Variants in ITK observed in about 807,000 individuals in gnomAD.
ITK encodes the protein tyrosine-protein kinase ITK/TSK.
Under a neutral mutation model 87.6 loss-of-function variants are expected in ITK, and 45 were observed. That is an observed-to-expected ratio of 0.51 (90% CI 0.40 to 0.66). The LOEUF (loss-of-function observed/expected upper bound fraction) is 0.66, where lower values mean the gene tolerates loss of function less well. Among genes scored for constraint, ITK ranks in the 30% least tolerant of loss-of-function variants. The pLI, the probability that ITK is intolerant of heterozygous loss-of-function variation, is 0.00. For synonymous variants in ITK, 303 were observed against 273.6 expected, an observed-to-expected ratio of 1.11 and a Z score of -1.06; for missense variants, 605 against 766.3, an observed-to-expected ratio of 0.79 and a Z score of 2.48.
chr5:157,188,587 G>C (rs1393903403), intron 1 of ITK, among the ~76,000 whole-genome samples: 2 of 152,014 alleles, frequency 1.3e-5, no homozygotes, highest in African/African-American at 4.8e-5. Context: ...TGTTTCCACT[G>C]TCTCAAACAC....
At chr5:157,229,995 A>G (rs1054805081) in intron 7 of ITK, among the ~76,000 whole-genome samples, 5 of 152,200 alleles carry the variant, frequency 3.3e-5, no homozygotes, top group African/African-American at 1.2e-4. Context: ...GACCCATACA[A>G]AAAAATATTT....
At chr5:157,213,813 T>G (rs1580888591) in intron 3 of ITK, 1 of 354,148 alleles carries the variant, frequency 2.8e-6, no homozygotes, top group Non-Finnish European at 5.5e-6. Flanking sequence ...GTAGGAGAGG[T>G]GGGGGGTGGT....
chr5:157,204,299 GC>G (rs1754035711), intron 1 of ITK, among the ~76,000 whole-genome samples: 1 of 152,202 alleles, frequency 6.6e-6, no homozygotes, highest in Non-Finnish European at 1.5e-5. Flanking sequence ...GTTGGCTCAT[GC>G]CTGTAATCCC....
chr5:157,191,961 T>G (rs1458319285), intron 1 of ITK, among the ~76,000 whole-genome samples: 1 of 152,212 alleles, frequency 6.6e-6, no homozygotes, highest in Non-Finnish European at 1.5e-5. Context: ...CTACATCATC[T>G]TCCAAAGAGA....
chr5:157,194,297 T>C (rs1472782280), intron 1 of ITK, among the ~76,000 whole-genome samples: 3 of 152,198 alleles, frequency 2.0e-5, no homozygotes, highest in Non-Finnish European at 4.4e-5. Flanking sequence ...CTGAACTCTA[T>C]GGGCTGACAA....
chr5:157,204,820 G>T (rs568838709), intron 1 of ITK, among the ~76,000 whole-genome samples: 1 of 152,286 alleles, frequency 6.6e-6, no homozygotes, highest in East Asian at 1.9e-4. Flanking sequence ...TTTCAATAAT[G>T]GATAAAGTTG....
intron 2 of ITK, among the ~76,000 whole-genome samples, chr5:157,210,534 T>TTTG (rs1554101032): frequency 6.2e-5 from 4 of 64,104 alleles, no homozygotes; most frequent in African/African-American, 1.7e-4. Context: ...TCTCTTGGTT[T>TTTG]TTTTTTTTTT....
At chr5:157,247,612 A>G (rs995997422) in intron 15 of ITK, among the ~76,000 whole-genome samples, 2 of 152,162 alleles carry the variant, frequency 1.3e-5, no homozygotes, top group African/African-American at 4.8e-5. Flanking sequence ...GTCCCTGTCT[A>G]GGATATATTA....
intron 16 of ITK, among the ~76,000 whole-genome samples, chr5:157,251,481 GAGA>G (rs2113779050): frequency 6.6e-6 from 1 of 152,296 alleles, no homozygotes; most frequent in South Asian, 2.1e-4. Context: ...GTCTTTCACA[GAGA>G]AGACTTTTCA....
At chr5:157,206,233 G>A (rs1185972204) in intron 1 of ITK, among the ~76,000 whole-genome samples, 1 of 152,082 alleles carries the variant, frequency 6.6e-6, no homozygotes, top group African/African-American at 2.4e-5. Flanking sequence ...AGGATTACAG[G>A]CATGAGCCAC....
chr5:157,224,154 C>T (rs1357414522), intron 6 of ITK, among the ~76,000 whole-genome samples: 7 of 151,748 alleles, frequency 4.6e-5, no homozygotes, highest in African/African-American at 1.7e-4. Context: ...TGTGGTGGCT[C>T]AAGCCTGTAA....
chr5:157,218,746 T>C lies in ITK; in HGVS notation c.495+839T>C, dbSNP rs539158612. 5.9e-5 allele frequency among the ~76,000 whole-genome samples: 9 copies of C among 152,250 alleles called. No homozygotes were observed. In the South Asian group the frequency reaches 1.4e-3, roughly 25 times the overall value. ...TTTCCAAGGCCATTCAGCAACTTAG[T>C]AGGATGCAAGGTTTCTGGCGTGGTG... On this transcript the variant is annotated intron_variant, in intron 5 of 16. Coordinates refer to ENST00000422843, the MANE Select transcript of ITK (RefSeq NM_005546.4).
intron 8 of ITK, among the ~76,000 whole-genome samples, chr5:157,233,963 ATTTTTTTTTTTTT>A (rs869230073): frequency 8.1e-4 from 18 of 22,284 alleles, no homozygotes; most frequent in Non-Finnish European, 1.2e-3. Flanking sequence ...ATATATATAT[ATTTTTTTTTTTTT>A]TTTTTTTTTT....
At chr5:157,197,984 A>G (rs1005562984) in intron 1 of ITK, among the ~76,000 whole-genome samples, 16 of 152,184 alleles carry the variant, frequency 1.1e-4, no homozygotes, top group African/African-American at 3.9e-4. Flanking sequence ...AGAAATACAC[A>G]TTCATGGCAA....
chr5:157,233,928 GATACAT>G (rs1561661019), intron 8 of ITK, among the ~76,000 whole-genome samples: 1 of 45,544 alleles, frequency 2.2e-5, no homozygotes, highest in African/African-American at 7.4e-5. Context: ...CCTCCTTACT[GATACAT>G]ATATATATAT....
At position 157,243,639 on chromosome 5, in the gene ITK, C is replaced by A; in HGVS notation, c.1077C>A (p.Asp359Glu). 1 of 1,612,774 alleles carries A rather than the reference C, an allele frequency of 6.2e-7. No individual in the cohort carries two copies. The highest frequency in any genetic ancestry group is 8.5e-7 in the Non-Finnish European group (1 of 1,179,976). The change falls in exon 12 of 17, where the codon GAC (aspartate) becomes GAA (glutamate). Residue 359 changes from aspartate (D) to glutamate (E), a missense_variant. Physicochemically the swap from Asp to Glu is conservative, Grantham distance 45. Transcript: ENST00000422843. ...AGLRYGKWVI[D>E]PSELTFVQEI... is the part of the protein sequence containing the mutation. ...CTCTTCCAGGGAAATGGGTGATCGA[C>A]CCCTCAGAGCTCACTTTTGTGCAAG... is the stretch of plus-strand genomic sequence containing the variant.
In ITK at chr5:157,186,366, T is replaced by TA. The variant is rs56804246; in HGVS notation, c.138+5266dup. Among the ~76,000 whole-genome samples the TA allele has an allele frequency of 5.1e-3, 715 of 140,718 alleles. 2 individuals carry two copies. The highest frequency in any genetic ancestry group is 0.011 in the Middle Eastern group (3 of 278). The allele number at this position is 140,718 out of a possible 152,430, so 92.3% of individuals were successfully genotyped here. On this transcript the variant is annotated intron_variant, in intron 1 of 16. Transcript: ENST00000422843. The stretch of plus-strand genomic sequence containing the variant: ...CTTCAAGAAGCCCCGCTATGTGTCT[T>TA]AAAAAAAAAAAAAAAGAGAGAGAGA...
intron 15 of ITK, among the ~76,000 whole-genome samples, chr5:157,246,242 C>G (rs537236347): frequency 2.1e-4 from 32 of 152,312 alleles, no homozygotes; most frequent in Middle Eastern, 6.8e-3. Flanking sequence ...AGTTCTGGTG[C>G]CAGCTGCTGT....
chr5:157,243,846 A>G (rs575875062), intron 12 of ITK, 52 bp downstream of exon 12: 2 of 1,554,392 alleles, frequency 1.3e-6, no homozygotes, highest in South Asian at 2.2e-5. Flanking sequence ...ACATCGGTTC[A>G]GTGTTCTTGA....
Sources: gnomAD v4.1 joint callset for allele counts (sites outside exome capture counted in the v4.1 genomes callset) on GRCh38, gnomAD v4.1.1 for gene constraint, MANE v1.5 for transcripts, NCBI Gene and HGNC (gene_info 2026-07-23, HGNC 2026-07-21) for gene names.